The following ELMOD1 variants were observed in gnomAD, a reference collection of about 807,000 sequenced individuals.
ELMOD1 encodes the protein ELMO domain-containing protein 1.
In ELMOD1, 21 loss-of-function variants were observed where a neutral mutation model predicts 46.7. The ratio of observed to expected loss-of-function variants is 0.45; its 90% CI spans 0.32 to 0.65. The LOEUF is 0.65. ELMOD1 is among the 30% of genes least tolerant of loss of function. The pLI is 0.04. For synonymous variants in ELMOD1, 122 were observed against 138.2 expected (o/e 0.88, Z 0.82); for missense variants, 348 against 407.8 (o/e 0.85, Z 1.26).
chr11:107,639,161 A>G (rs1866278909), intron 6 of ELMOD1, among the ~76,000 whole-genome samples: 1 of 151,996 alleles, frequency 6.6e-6, no homozygotes, highest in Non-Finnish European at 1.5e-5. Context: ...AATAATAATA[A>G]TAATAATAAT....
chr11:107,650,222 C>A, intron 7 of ELMOD1, 113 bp from the exon 8 acceptor site: 1 of 721,180 alleles, frequency 1.4e-6, no homozygotes, highest in Non-Finnish European at 2.4e-6. Context: ...CAAGTGATAA[C>A]CTTATGCCAG....
chr11:107,657,944 T>G (rs573754159), intron 11 of ELMOD1, among the ~76,000 whole-genome samples: 1 of 152,296 alleles, frequency 6.6e-6, no homozygotes, highest in East Asian at 1.9e-4. Flanking sequence ...CATTGGCATA[T>G]ATAGAAGACA....
intron 1 of ELMOD1, among the ~76,000 whole-genome samples, chr11:107,610,998 C>CAAAAAAAAAAAAAA (rs58417281): frequency 2.1e-4 from 20 of 95,754 alleles, no homozygotes; most frequent in East Asian, 6.1e-4. Flanking sequence ...TGTAAGAATC[C>CAAAAAAAAAAAAAA]AAAAAAAAAA....
intron 2 of ELMOD1, among the ~76,000 whole-genome samples, chr11:107,622,619 G>A (rs1170720038): frequency 1.3e-5 from 2 of 152,150 alleles, no homozygotes; most frequent in Non-Finnish European, 2.9e-5. Context: ...AGGCAAATTC[G>A]GGCTAGACTC....
At chr11:107,637,258 T>C (rs1866244798) in intron 6 of ELMOD1, among the ~76,000 whole-genome samples, 1 of 152,242 alleles carries the variant, frequency 6.6e-6, no homozygotes, top group African/African-American at 2.4e-5. Flanking sequence ...ATAAGCATTT[T>C]AGCTCAGGTT....
intron 11 of ELMOD1, among the ~76,000 whole-genome samples, chr11:107,659,761 G>A (rs1172249105): frequency 6.6e-6 from 1 of 151,834 alleles, no homozygotes; most frequent in East Asian, 1.9e-4. Flanking sequence ...TCTAGTTTCT[G>A]TGGGAAATTT....
chr11:107,631,797 T>C (rs1866146647), intron 5 of ELMOD1, 120 bp downstream of exon 5: 1 of 533,700 alleles, frequency 1.9e-6, no homozygotes, highest in South Asian at 4.1e-5. Context: ...TCATCTGCCA[T>C]GTTTTGACTT....
chr11:107,664,391 C>T (rs1218096357), intron 11 of ELMOD1, among the ~76,000 whole-genome samples: 4 of 151,980 alleles, frequency 2.6e-5, no homozygotes, highest in Non-Finnish European at 5.9e-5. Flanking sequence ...ACATTTATTC[C>T]CCAAATTGTT....
intron 9 of ELMOD1, 45 bp downstream of exon 9, chr11:107,650,953 T>C: frequency 9.6e-7 from 1 of 1,043,204 alleles, no homozygotes; most frequent in South Asian, 1.9e-5. Context: ...TATTTTGTCT[T>C]AGAATAAGTA....
chr11:107,649,831 TTAGAATAAA>T (rs1423616784), intron 7 of ELMOD1, among the ~76,000 whole-genome samples: 1 of 152,214 alleles, frequency 6.6e-6, no homozygotes, highest in Non-Finnish European at 1.5e-5. Context: ...CTTTTTCCCC[TTAGAATAAA>T]ATGTTATTGT....
intron 1 of ELMOD1, among the ~76,000 whole-genome samples, chr11:107,605,155 C>A (rs1865663959): frequency 1.3e-5 from 2 of 150,522 alleles, no homozygotes; most frequent in African/African-American, 4.9e-5. Context: ...TTTAAAATCT[C>A]CTTATTCTTT....
chr11:107,656,882 A>C (rs938347518), intron 11 of ELMOD1, among the ~76,000 whole-genome samples: 1 of 152,206 alleles, frequency 6.6e-6, no homozygotes, highest in Non-Finnish European at 1.5e-5. Flanking sequence ...AAGTAGAACA[A>C]AAAGGCATAG....
At chr11:107,605,693 C>T (rs370292425) in intron 1 of ELMOD1, among the ~76,000 whole-genome samples, 3 of 152,168 alleles carry the variant, frequency 2.0e-5, no homozygotes, top group Non-Finnish European at 2.9e-5. Context: ...TAAAAATTAA[C>T]TCTGGATGAG....
At chr11:107,639,903 C>G (rs529983195) in intron 6 of ELMOD1, among the ~76,000 whole-genome samples, 15 of 152,236 alleles carry the variant, frequency 9.9e-5, no homozygotes, top group African/African-American at 3.6e-4. Context: ...CTTCCTAGTG[C>G]ATGACCTCAT....
At chr11:107,625,995 G>C (rs766085865) in intron 2 of ELMOD1, among the ~76,000 whole-genome samples, 2 of 152,136 alleles carry the variant, frequency 1.3e-5, no homozygotes, top group Non-Finnish European at 2.9e-5. Context: ...AAAAACTGCT[G>C]CCTATGCATG....
Position 107,656,354 on chromosome 11 carries a change from C to T in ELMOD1, c.832+288C>T, listed in dbSNP as rs574033282. Among the ~76,000 whole-genome samples, 504 of 150,896 alleles carry T rather than the reference C, an allele frequency of 3.3e-3. 9 individuals are homozygous for T. Among genetic ancestry groups the T allele is most frequent in the Non-Finnish European group, 1.6e-3 (111 of 67,794 alleles). On this transcript the variant is annotated intron_variant, in intron 11 of 11. Transcript: ENST00000265840. ...AGTGAGCCGAGATCATGCCACTGCA[C>T]TCCAGCCTGGACAACAGAGTGAGAC...
At chr11:107,640,179 T>C (rs1048920200) in intron 6 of ELMOD1, among the ~76,000 whole-genome samples, 2 of 152,174 alleles carry the variant, frequency 1.3e-5, no homozygotes, top group South Asian at 4.1e-4. Context: ...CAAGGTTTTT[T>C]TTAAATAGGA....
chr11:107,614,217 C>G (rs1865824064), intron 1 of ELMOD1, among the ~76,000 whole-genome samples: 1 of 152,190 alleles, frequency 6.6e-6, no homozygotes. Context: ...ATTGCCTTAT[C>G]CTGCCATTAA....
intron 11 of ELMOD1, 124 bp from the exon 12 acceptor site, chr11:107,664,901 C>CT: frequency 1.2e-6 from 1 of 854,672 alleles, no homozygotes; most frequent in Non-Finnish European, 1.8e-6. Flanking sequence ...ATTTTGAGGT[C>CT]TTCTTTGAGC....
Sources: gnomAD v4.1 joint callset for allele counts (sites outside exome capture counted in the v4.1 genomes callset) on GRCh38, gnomAD v4.1.1 for gene constraint, MANE v1.5 for transcripts, NCBI Gene and HGNC (gene_info 2026-07-23, HGNC 2026-07-21) for gene names.